Variants in PTPRT observed in about 807,000 individuals in gnomAD.
The protein encoded by PTPRT is protein tyrosine phosphatase receptor type T.
Under a neutral mutation model 176.8 loss-of-function variants are expected in PTPRT, and 56 were observed. The ratio of observed to expected loss-of-function variants is 0.32; its 90% CI spans 0.26 to 0.40. The LOEUF is 0.40. Ranked by LOEUF, PTPRT falls within the 10% of genes least tolerant of loss-of-function variation. The probability of loss-of-function intolerance (pLI) is 1.00; values close to 1 mark genes in which losing one functional copy is unlikely to be tolerated. For missense variants in PTPRT, 1,540 were observed against 1,908.2 expected, an observed-to-expected ratio of 0.81 and a Z score of 3.60; for synonymous variants, 783 against 739.0, an observed-to-expected ratio of 1.06 and a Z score of -0.96.
intron 18 of PTPRT, among the ~76,000 whole-genome samples, chr20:42,133,624 T>C (rs1600568213): frequency 6.6e-6 from 1 of 152,324 alleles, no homozygotes; most frequent in Non-Finnish European, 1.5e-5. Flanking sequence ...ATATATGTCA[T>C]TGTACATTTG....
At chr20:42,440,680 T>G (rs1236542854) in intron 9 of PTPRT, among the ~76,000 whole-genome samples, 1 of 152,090 alleles carries the variant, frequency 6.6e-6, no homozygotes, top group African/African-American at 2.4e-5. Context: ...GGTTTCACCG[T>G]GTTAGCCAGG....
chr20:42,463,874 C>T (rs1601073535), intron 8 of PTPRT, among the ~76,000 whole-genome samples: 1 of 152,148 alleles, frequency 6.6e-6, no homozygotes, highest in East Asian at 1.9e-4. Flanking sequence ...TCTCATATTT[C>T]CTAGTCGTGT....
chr20:42,986,684 AAGG>A (rs1983596795), intron 1 of PTPRT, among the ~76,000 whole-genome samples: 1 of 152,224 alleles, frequency 6.6e-6, no homozygotes, highest in African/African-American at 2.4e-5. Flanking sequence ...TCACTGTGGG[AAGG>A]AGTTTACATG....
intron 13 of PTPRT, among the ~76,000 whole-genome samples, chr20:42,258,949 C>G (rs1023239136): frequency 1.3e-5 from 2 of 152,168 alleles, no homozygotes; most frequent in African/African-American, 4.8e-5. Context: ...TCAATACTAC[C>G]CAGTCAGTCC....
intron 7 of PTPRT, among the ~76,000 whole-genome samples, chr20:42,566,921 T>C (rs182043181): frequency 3.8e-4 from 58 of 152,316 alleles, no homozygotes; most frequent in Middle Eastern, 3.4e-3. Context: ...ACTCTCTATA[T>C]TATCTTCGTA....
the PTPRT span, among the ~76,000 whole-genome samples, chr20:42,036,766 C>G: frequency 3.1e-4 from 47 of 152,244 alleles, no homozygotes; most frequent in East Asian, 8.7e-3. Flanking sequence ...ATAAGTATTG[C>G]AGGTGAGGAG....
At chr20:42,364,742 C>T (rs909202219) in intron 9 of PTPRT, among the ~76,000 whole-genome samples, 3 of 152,150 alleles carry the variant, frequency 2.0e-5, no homozygotes, top group African/African-American at 7.2e-5. Flanking sequence ...ACCCCAGGCT[C>T]ATAGCTGGGT....
chr20:42,847,638 C>T (rs182466527), intron 2 of PTPRT, among the ~76,000 whole-genome samples: 35 of 152,302 alleles, frequency 2.3e-4, no homozygotes, highest in Non-Finnish European at 1.3e-4. Context: ...GAGTCACATG[C>T]CACAGCCATC....
At chr20:42,420,769 C>G (rs139125304) in intron 9 of PTPRT, among the ~76,000 whole-genome samples, 1 of 152,164 alleles carries the variant, frequency 6.6e-6, no homozygotes, top group Admixed American at 6.5e-5. Flanking sequence ...CAACCCCTAC[C>G]AACATGGGTC....
At chr20:42,055,916 G>A in the PTPRT span, among the ~76,000 whole-genome samples, 1 of 152,138 alleles carries the variant, frequency 6.6e-6, no homozygotes, top group Non-Finnish European at 1.5e-5. Context: ...CGACTCCTTT[G>A]TTCTCTTGTA....
intron 1 of PTPRT, among the ~76,000 whole-genome samples, chr20:42,974,441 T>C (rs949969294): frequency 6.6e-6 from 1 of 152,068 alleles, no homozygotes. Context: ...CTTCATTCTC[T>C]CTGTAAACGC....
chr20:42,202,188 T>G lies in PTPRT; in HGVS notation c.2343-2800A>C, dbSNP rs558432687. Among the ~76,000 whole-genome samples the G allele has an allele frequency of 2.6e-5, 4 of 152,274 alleles. No homozygotes were observed. In the South Asian group the frequency reaches 8.3e-4, roughly 32 times the overall value. On this transcript the variant is annotated intron_variant, in intron 15 of 30. Coordinates refer to ENST00000373187, the MANE Select transcript of PTPRT (RefSeq NM_007050.6). ...TTTTACCATATTGCCCAGGGTGGTC[T>G]TGAACTCCTGAGCTCAGGCAATCCG...
intron 23 of PTPRT, among the ~76,000 whole-genome samples, chr20:42,109,538 A>T (rs898164008): frequency 6.6e-6 from 1 of 152,090 alleles, no homozygotes; most frequent in Non-Finnish European, 1.5e-5. Context: ...TCTATGAGGG[A>T]CCCTGCAGGC....
intron 20 of PTPRT, 134 bp downstream of exon 20, chr20:42,119,801 A>C (rs1987489453): frequency 1.4e-6 from 1 of 740,628 alleles, no homozygotes. Context: ...CCTCTCCTCC[A>C]GGGCTGTTTA....
intron 6 of PTPRT, among the ~76,000 whole-genome samples, chr20:42,711,266 G>T (rs2076140651): frequency 1.3e-5 from 2 of 152,156 alleles, no homozygotes; most frequent in Admixed American, 1.3e-4. Flanking sequence ...TTGGGGTCCA[G>T]GGGTGGAATG....
At chr20:42,785,562 T>G (rs1192347033) in intron 3 of PTPRT, among the ~76,000 whole-genome samples, 1 of 152,216 alleles carries the variant, frequency 6.6e-6, no homozygotes, top group Non-Finnish European at 1.5e-5. Context: ...CTTGTCCCTA[T>G]GTGGGCACTC....
chr20:42,184,034 G>T (rs1332240816), intron 16 of PTPRT, among the ~76,000 whole-genome samples: 2 of 152,104 alleles, frequency 1.3e-5, no homozygotes, highest in Non-Finnish European at 2.9e-5. Flanking sequence ...GCAAATGAGG[G>T]AGGCATTTGG....
intron 6 of PTPRT, among the ~76,000 whole-genome samples, chr20:42,728,186 C>T (rs2076408105): frequency 1.3e-5 from 2 of 152,170 alleles, no homozygotes; most frequent in African/African-American, 2.4e-5. Context: ...ACTGTCATAC[C>T]TTATCTCTAA....
intron 11 of PTPRT, among the ~76,000 whole-genome samples, chr20:42,322,433 C>T (rs1164904396): frequency 1.7e-5 from 2 of 117,402 alleles, no homozygotes; most frequent in African/African-American, 1.0e-4. Context: ...TGGAACAGAA[C>T]AGAGCCCTCA....
Sources: allele counts gnomAD v4.1 joint callset (sites outside exome capture counted in the v4.1 genomes callset), GRCh38; gene constraint gnomAD v4.1.1; transcripts MANE v1.5; gene names NCBI Gene and HGNC (gene_info 2026-07-23, HGNC 2026-07-21).